SDR42E2: variants seen among roughly 807,000 people sequenced by gnomAD.
The protein encoded by SDR42E2 is putative short-chain dehydrogenase/reductase family 42E member 2.
SDR42E2 carries 20 observed loss-of-function variants against 10.5 expected under a neutral mutation model. That is an observed-to-expected ratio of 1.90 (90% confidence interval 1.34 to 2.77). The LOEUF (loss-of-function observed/expected upper bound fraction) is 2.77, where lower values mean the gene tolerates loss of function less well. Among genes scored for constraint, SDR42E2 ranks in the 30% most tolerant of loss-of-function variants. The pLI is 0.00. For missense variants in SDR42E2, 162 were observed against 104.2 expected (o/e 1.55, Z -2.42); for synonymous variants, 72 against 39.2 (o/e 1.84, Z -3.12).
chr16:22,190,705 C>G lies in SDR42E2; in HGVS notation c.*312C>G. 3.0e-6 allele frequency: 1 copy of G among 328,022 alleles called. No homozygotes were observed. The highest frequency in any genetic ancestry group is 5.5e-6 in the Non-Finnish European group (1 of 180,882). 20.3% of individuals were successfully genotyped at this position (328,022 alleles called of 1,614,324 possible). On this transcript the variant is annotated 3_prime_UTR_variant, in exon 13 of 13. Transcript: ENST00000602312. ...TCCGCCCCCTGAATCCTGGCCACGTCCCTGGTCGGCCCAGACGCGTAGCCC... is the reference window on the plus strand; with the variant it reads ...TCCGCCCCCTGAATCCTGGCCACGTGCCTGGTCGGCCCAGACGCGTAGCCC...
Position 22,191,070 on chromosome 16 carries a change from C to G in SDR42E2, c.*677C>G, listed in dbSNP as rs1301843258. ...TTTCCTACGTCCATGACCCTCCCTCCAGGCCCTGGCCCTGCCCCTTTTTTC... is the reference window on the plus strand; with the variant it reads ...TTTCCTACGTCCATGACCCTCCCTCGAGGCCCTGGCCCTGCCCCTTTTTTC... On this transcript the variant is annotated 3_prime_UTR_variant, in exon 13 of 13. Transcript: ENST00000602312. The G allele has an allele frequency of 6.5e-6, 1 of 154,114 alleles. No homozygotes were observed. The highest frequency in any genetic ancestry group is 1.5e-5 in the Non-Finnish European group (1 of 68,902). 9.5% of individuals were successfully genotyped at this position (154,114 alleles called of 1,614,324 possible). A position where few individuals can be genotyped will look rare whatever the true frequency, so the allele number is the denominator to read the frequency against.
In SDR42E2 at chr16:22,166,391, G is replaced by A. The variant is rs186431413; in HGVS notation, c.197G>A (p.Arg66His). The A allele has an allele frequency of 2.2e-5, 9 of 402,844 alleles. No individual in the cohort carries two copies. Among genetic ancestry groups the A allele is most frequent in the South Asian group, 2.5e-4 (2 of 8,138 alleles). 25.0% of individuals were successfully genotyped at this position (402,844 alleles called of 1,614,324 possible). A position where few individuals can be genotyped will look rare whatever the true frequency, so the allele number is the denominator to read the frequency against. ...SGTSVILLDR[R>H]RPQWELSPET... ...ACTTCCGTCATTCTGCTTGACCGCC[G>A]CAGACCCCAGTGGGAACTGTCCCCG... Residue 66 changes from arginine (R) to histidine (H), a missense_variant, in exon 3 of 13, where the codon CGC (arginine) becomes CAC (histidine). By Grantham distance (29) the Arg-to-His change is conservative. Coordinates refer to ENST00000602312, the MANE Select transcript of SDR42E2 (RefSeq NM_001394319.2).
rs1345712820 is a variant in SDR42E2 at position 22,190,521 on chromosome 16, T to C, written c.*128T>C. The C allele has an allele frequency of 5.0e-6, 2 of 399,098 alleles. No homozygotes were observed. Among genetic ancestry groups the C allele is most frequent in the Non-Finnish European group, 8.8e-6 (2 of 226,490 alleles). The allele number at this position is 399,098 out of a possible 1,614,324, so 24.7% of individuals were successfully genotyped here. A position where few individuals can be genotyped will look rare whatever the true frequency, so the allele number is the denominator to read the frequency against. ...GCGCGCCTCCGCTCCGCCCCTTGAA[T>C]CCTGGTCACGCCCCCGAGCCGCTCT... On this transcript the variant is annotated 3_prime_UTR_variant, in exon 13 of 13. Transcript: ENST00000602312.
intron 7 of SDR42E2, among the ~76,000 whole-genome samples, chr16:22,177,070 T>C (rs567625082): frequency 1.3e-5 from 2 of 152,204 alleles, no homozygotes; most frequent in Non-Finnish European, 2.9e-5. Flanking sequence ...GCGGAGGTAT[T>C]AGTGGAAACG....
chr16:22,168,018 T>C (rs1197639629), intron 4 of SDR42E2, among the ~76,000 whole-genome samples: 23 of 152,144 alleles, frequency 1.5e-4, no homozygotes, highest in Admixed American at 1.5e-3. Flanking sequence ...GGGAACCTTC[T>C]TTTTCACTAT....
At chr16:22,179,407 C>T (rs911067439) in intron 8 of SDR42E2, among the ~76,000 whole-genome samples, 1 of 152,092 alleles carries the variant, frequency 6.6e-6, no homozygotes, top group Non-Finnish European at 1.5e-5. Context: ...TAGTATGTGC[C>T]CCGCACTGTT....
At chr16:22,172,388 C>T in intron 7 of SDR42E2, 57 bp downstream of exon 7, 1 of 703,246 alleles carries the variant, frequency 1.4e-6, no homozygotes, top group East Asian at 2.7e-5. Flanking sequence ...CTGCCTCCTC[C>T]AAAATACATG....
chr16:22,177,753 CA>C (rs1416443493), intron 7 of SDR42E2, among the ~76,000 whole-genome samples: 1 of 152,144 alleles, frequency 6.6e-6, no homozygotes, highest in Non-Finnish European at 1.5e-5. Flanking sequence ...GTAGTACTCT[CA>C]AGGGGCATCA....
intron 6 of SDR42E2, 58 bp downstream of exon 6, chr16:22,171,009 A>C (rs1197265364): frequency 1.4e-6 from 1 of 700,766 alleles, no homozygotes; most frequent in East Asian, 2.7e-5. Flanking sequence ...CACAGCTCAG[A>C]GGGGAGGGAT....
intron 7 of SDR42E2, among the ~76,000 whole-genome samples, chr16:22,174,176 C>CA (rs993740498): frequency 5.3e-5 from 8 of 151,698 alleles, no homozygotes; most frequent in Non-Finnish European, 7.4e-5. Flanking sequence ...ACTAAAAATA[C>CA]AAAAAAATTA....
rs887545972 is a variant in SDR42E2, at chr16:22,172,264, C to G, written c.522C>G (p.Asp174Glu). 1.4e-6 allele frequency: 1 copy of G among 703,134 alleles called. No individual in the cohort carries two copies. Among genetic ancestry groups the G allele is most frequent in the African/African-American group, 1.7e-5 (1 of 57,390 alleles). 43.6% of individuals were successfully genotyped at this position (703,134 alleles called of 1,614,324 possible). The change falls in exon 7 of 13, where the codon GAC (aspartate) becomes GAG (glutamate). Residue 174 changes from aspartate (D) to glutamate (E), a missense_variant. Coordinates refer to ENST00000602312, the MANE Select transcript of SDR42E2 (RefSeq NM_001394319.2). ...VPYFPLDEHVDHYSRTKAIAD... is the reference protein window; with the variant it reads ...VPYFPLDEHVEHYSRTKAIAD... ...TTCCTGGCCTCTGGCAGCACGTAGA[C>G]CACTACTCCCGAACCAAAGCCATCG...
chr16:22,168,057 T>C (rs1446893213), intron 4 of SDR42E2, among the ~76,000 whole-genome samples: 1 of 152,016 alleles, frequency 6.6e-6, no homozygotes. Flanking sequence ...GAATTCTTTT[T>C]AACCTTGATC....
chr16:22,170,692 C>T (rs1289517468), intron 5 of SDR42E2, 141 bp from the exon 6 acceptor site: 5 of 649,276 alleles, frequency 7.7e-6, no homozygotes, highest in Admixed American at 6.3e-5. Flanking sequence ...TCCTGGGGGT[C>T]CAAGTTGTGT....
intron 11 of SDR42E2, among the ~76,000 whole-genome samples, chr16:22,186,027 C>A (rs1164591311): frequency 6.6e-6 from 1 of 152,074 alleles, no homozygotes; most frequent in Non-Finnish European, 1.5e-5. Flanking sequence ...AGGCATGAGC[C>A]ACCACACCTG....
intron 7 of SDR42E2, among the ~76,000 whole-genome samples, chr16:22,175,443 C>A (rs1171927730): frequency 6.6e-6 from 1 of 151,760 alleles, no homozygotes; most frequent in Non-Finnish European, 1.5e-5. Context: ...GAACAAAAGA[C>A]AATCGTTTCT....
At chr16:22,177,208 C>T (rs756888541) in intron 7 of SDR42E2, among the ~76,000 whole-genome samples, 8 of 152,128 alleles carry the variant, frequency 5.3e-5, no homozygotes, top group Non-Finnish European at 1.0e-4. Flanking sequence ...CCAACCTTGG[C>T]GTATCAGAGC....
intron 5 of SDR42E2, 98 bp from the exon 6 acceptor site, chr16:22,170,735 T>C (rs2046591273): frequency 1.5e-6 from 1 of 687,964 alleles, no homozygotes; most frequent in Non-Finnish European, 2.7e-6. Flanking sequence ...GCATGACACC[T>C]CCTCAGCCGA....
intron 8 of SDR42E2, among the ~76,000 whole-genome samples, chr16:22,180,802 T>C (rs1567243642): frequency 6.6e-6 from 1 of 150,924 alleles, no homozygotes; most frequent in Non-Finnish European, 1.5e-5. Flanking sequence ...AGGTCAGGAG[T>C]TTGAGACCAG....
At position 22,166,436 on chromosome 16, in the gene SDR42E2, T is replaced by C. The variant is rs2046540803; in HGVS notation, c.240+2T>C. 2.5e-6 allele frequency: 1 copy of C among 402,550 alleles called. No homozygotes were observed. Among genetic ancestry groups the C allele is most frequent in the Non-Finnish European group, 4.4e-6 (1 of 227,220 alleles). The allele number at this position is 402,550 out of a possible 1,614,324, so 24.9% of individuals were successfully genotyped here. Reference sequence around the variant, plus strand: ...TCCCCGGAAACCAAGTTCATCCAGGTACAAGGAACAAGGGTCTTAATAGAC... The same window carrying C: ...TCCCCGGAAACCAAGTTCATCCAGGCACAAGGAACAAGGGTCTTAATAGAC... On this transcript the variant is annotated splice_donor_variant, in intron 3 of 12. Coordinates refer to ENST00000602312, the MANE Select transcript of SDR42E2 (RefSeq NM_001394319.2). LOFTEE classifies it high-confidence loss of function.
Sources: allele counts gnomAD v4.1 joint callset (sites outside exome capture counted in the v4.1 genomes callset), GRCh38; gene constraint gnomAD v4.1.1; transcripts MANE v1.5; gene names NCBI Gene and HGNC (gene_info 2026-07-23, HGNC 2026-07-21).